RELCH: variants seen among roughly 807,000 people sequenced by gnomAD.
RELCH encodes the protein RAB11-binding protein RELCH.
RELCH carries 41 observed loss-of-function variants against 150.3 expected under a neutral mutation model. That is an observed-to-expected ratio of 0.27 (90% CI 0.21 to 0.35). The LOEUF (loss-of-function observed/expected upper bound fraction) is 0.35, where lower values mean the gene tolerates loss of function less well. RELCH is among the 10% of genes least tolerant of loss of function. The pLI, the probability that RELCH is intolerant of heterozygous loss-of-function variation, is 1.00. For missense variants in RELCH, 1,092 were observed against 1,467.8 expected, an observed-to-expected ratio of 0.74 and a Z score of 4.18; for synonymous variants, 478 against 531.8, an observed-to-expected ratio of 0.90 and a Z score of 1.39.
intron 5 of RELCH, among the ~76,000 whole-genome samples, chr18:62,225,549 G>A (rs2041159005): frequency 6.6e-6 from 1 of 151,890 alleles, no homozygotes; most frequent in Admixed American, 6.6e-5. Context: ...CTTCACTAAG[G>A]AAGTTATATG....
Position 62,255,473 on chromosome 18 carries a change from C to T in RELCH, c.1891C>T (p.Leu631Phe). Residue 631 changes from leucine (L) to phenylalanine (F), a missense_variant, in exon 13 of 29, where the codon CTT becomes TTT. Physicochemically the swap from Leu to Phe is conservative, Grantham distance 22. This residue lies in a region of RELCH where 707 missense variants were observed against 1,025.4 expected (regional missense o/e 0.69). Transcript: ENST00000644646. ...ATCCTGTGGAGCACTGGCACCTTAC[C>T]TTCCTGTAAGATTGTCTTTTTTTTT... ...AESCGALAPYLPKEIRSSLVL... is the reference protein window; with the variant it reads ...AESCGALAPYFPKEIRSSLVL... The T allele has an allele frequency of 6.3e-7, 1 of 1,589,296 alleles. No individual in the cohort carries two copies. The highest frequency in any genetic ancestry group is 1.2e-5 in the South Asian group (1 of 85,788).
At chr18:62,215,461 T>C (rs2040423079) in intron 2 of RELCH, among the ~76,000 whole-genome samples, 1 of 152,100 alleles carries the variant, frequency 6.6e-6, no homozygotes, top group Admixed American at 6.6e-5. Flanking sequence ...GGCAGCATTC[T>C]TACCACCTTT....
intron 1 of RELCH, among the ~76,000 whole-genome samples, chr18:62,190,752 C>T (rs1451140910): frequency 6.6e-6 from 1 of 152,102 alleles, no homozygotes; most frequent in Non-Finnish European, 1.5e-5. Context: ...TAATGCTTTG[C>T]CGTGGCTGCT....
chr18:62,304,554 A>T (rs1337659887), intron 28 of RELCH, among the ~76,000 whole-genome samples: 1 of 152,226 alleles, frequency 6.6e-6, no homozygotes, highest in Non-Finnish European at 1.5e-5. Flanking sequence ...AGAATATTTT[A>T]CAACAGAAAT....
At chr18:62,193,177 T>C (rs2038774900) in intron 1 of RELCH, among the ~76,000 whole-genome samples, 1 of 152,182 alleles carries the variant, frequency 6.6e-6, no homozygotes, top group South Asian at 2.1e-4. Context: ...GCTTGTCTGT[T>C]GTTGGTGTGT....
chr18:62,279,837 C>T lies in RELCH; in HGVS notation c.3031C>T (p.Leu1011Phe). ...GAGGGTTGTTCCTGCTCTCATTACT[C>T]TCTCCAGTGACCCTGAAATGTAAGT... ...AQRVVPALIT[L>F]SSDPEISVRI... The change falls in exon 23 of 29, where the codon CTC (leucine) becomes TTC (phenylalanine). Residue 1011 changes from leucine to phenylalanine, a missense_variant. Leu to Phe is a conservative substitution (Grantham distance 22). Around this residue, in one of 4 missense-constraint regions of RELCH, gnomAD observed 707 missense variants for 1,025.4 expected, o/e 0.69. Transcript: ENST00000644646. 6.5e-7 allele frequency: 1 copy of T among 1,535,010 alleles called. No homozygotes were observed. The highest frequency in any genetic ancestry group is 8.7e-7 in the Non-Finnish European group (1 of 1,145,974).
chr18:62,236,897 A>G (rs1438748529), intron 10 of RELCH, among the ~76,000 whole-genome samples: 3 of 151,598 alleles, frequency 2.0e-5, no homozygotes, highest in Non-Finnish European at 4.4e-5. Context: ...ATATTGAATT[A>G]CTGACTTGAG....
At chr18:62,269,510 A>C in intron 20 of RELCH, 1 of 272,978 alleles carries the variant, frequency 3.7e-6, no homozygotes, top group Non-Finnish European at 7.7e-6. Flanking sequence ...ACATAGCCTG[A>C]AGGTAATTTT....
At position 62,208,047 on chromosome 18, in the gene RELCH, A is replaced by G. The variant is rs1440548237; in HGVS notation, c.527-3106A>G. Among the ~76,000 whole-genome samples, 4 of 152,302 alleles carry G rather than the reference A, an allele frequency of 2.6e-5. No homozygotes were observed. In the South Asian group the frequency reaches 8.3e-4, roughly 32 times the overall value. ...TGTATGAGGGTTTCAGTTTCTCCACATCTTCTGCAACTTACCATCTCTTTT... is the reference window on the plus strand; with the variant it reads ...TGTATGAGGGTTTCAGTTTCTCCACGTCTTCTGCAACTTACCATCTCTTTT... On this transcript the variant is annotated intron_variant, in intron 1 of 28. Coordinates refer to ENST00000644646, the MANE Select transcript of RELCH (RefSeq NM_001346231.2).
chr18:62,277,516 T>C, intron 22 of RELCH: 1 of 610,684 alleles, frequency 1.6e-6, no homozygotes. Context: ...TTTAGAATTA[T>C]GCCTGCTTAC....
At chr18:62,256,735 A>G (rs2144633766) in intron 13 of RELCH, among the ~76,000 whole-genome samples, 1 of 152,200 alleles carries the variant, frequency 6.6e-6, no homozygotes, top group East Asian at 1.9e-4. Flanking sequence ...TCCCTGTGGC[A>G]TACTAAAACT....
chr18:62,244,997 C>A, intron 11 of RELCH, 121 bp downstream of exon 11: 2 of 668,052 alleles, frequency 3.0e-6, no homozygotes, highest in African/African-American at 1.8e-5. Context: ...TCTATTTTAG[C>A]AGCGCTGGAG....
intron 8 of RELCH, among the ~76,000 whole-genome samples, chr18:62,229,518 G>GTGTGTGTC (rs539055675): frequency 7.9e-4 from 116 of 147,732 alleles, no homozygotes; most frequent in African/African-American, 2.1e-3. Context: ...GTGTGTGTGT[G>GTGTGTGTC]TGTCTGTCTG....
intron 11 of RELCH, among the ~76,000 whole-genome samples, chr18:62,245,622 C>T (rs573263007): frequency 2.1e-3 from 318 of 151,722 alleles, no homozygotes; most frequent in African/African-American, 7.3e-3. Flanking sequence ...AGTGAAAGTC[C>T]GTCTCAAAAA....
Position 62,264,715 on chromosome 18 carries a change from C to T in RELCH, c.2508-14C>T, listed in dbSNP as rs1311749863. 6.4e-7 allele frequency: 1 copy of T among 1,559,452 alleles called. No individual in the cohort carries two copies. The highest frequency in any genetic ancestry group is 1.9e-5 in the Admixed American group (1 of 52,930). Reference sequence around the variant, plus strand: ...ATGTATCCCCTGCCTATTTTTCTTTCCTTTCATATTCAGGTTGCCACAACT... The same window carrying T: ...ATGTATCCCCTGCCTATTTTTCTTTTCTTTCATATTCAGGTTGCCACAACT... On this transcript the variant is annotated splice_polypyrimidine_tract_variant and intron_variant, in intron 17 of 28. Coordinates refer to ENST00000644646, the MANE Select transcript of RELCH (RefSeq NM_001346231.2).
At chr18:62,234,393 C>T (rs1171844126) in intron 10 of RELCH, among the ~76,000 whole-genome samples, 1 of 151,430 alleles carries the variant, frequency 6.6e-6, no homozygotes, top group African/African-American at 2.4e-5. Context: ...TCATGGCTCG[C>T]TACAGCCTCA....
chr18:62,264,644 T>G, intron 17 of RELCH, 85 bp from the exon 18 acceptor site: 1 of 998,030 alleles, frequency 1.0e-6, no homozygotes, highest in Non-Finnish European at 1.5e-6. Context: ...GAACAGGTTA[T>G]TAGATTTGCA....
intron 2 of RELCH, among the ~76,000 whole-genome samples, chr18:62,220,557 A>C (rs117726056): frequency 1.3e-4 from 20 of 151,964 alleles, no homozygotes; most frequent in Non-Finnish European, 2.9e-4. Flanking sequence ...TATTCTAGAT[A>C]ATGCATTTTA....
chr18:62,279,678 C>G (rs1469884161), intron 22 of RELCH, 96 bp from the exon 23 acceptor site: 1 of 788,834 alleles, frequency 1.3e-6, no homozygotes, highest in Non-Finnish European at 2.0e-6. Flanking sequence ...TGTGTTTTCT[C>G]TCTTTCTCTT....
Sources: gnomAD v4.1 joint callset for allele counts (sites outside exome capture counted in the v4.1 genomes callset) on GRCh38, gnomAD v4.1.1 for gene constraint, gnomAD v4.1.1 regional missense constraint, MANE v1.5 for transcripts, NCBI Gene and HGNC (gene_info 2026-07-23, HGNC 2026-07-21) for gene names.